Variants in SAMD12 observed in about 807,000 individuals in gnomAD.
SAMD12 encodes the protein sterile alpha motif domain-containing protein 12.
SAMD12 carries 9 observed loss-of-function variants against 15.0 expected under a neutral mutation model. The observed-to-expected ratio is 0.60, with a 90% CI of 0.36 to 1.05. SAMD12 has a LOEUF of 1.05. SAMD12 is among the 50% of genes least tolerant of loss of function. SAMD12 has a pLI of 0.01. For synonymous variants in SAMD12, 86 were observed against 90.1 expected (o/e 0.96, Z 0.25); for missense variants, 230 against 234.2 (o/e 0.98, Z 0.12).
chr8:118,407,115 C>T (rs925169859), intron 3 of SAMD12, among the ~76,000 whole-genome samples: 1 of 152,076 alleles, frequency 6.6e-6, no homozygotes, highest in Non-Finnish European at 1.5e-5. Context: ...GTAACAACAA[C>T]AACAACAAAA....
intron 2 of SAMD12, among the ~76,000 whole-genome samples, chr8:118,489,276 C>T (rs1333499907): frequency 1.3e-5 from 2 of 152,112 alleles, no homozygotes; most frequent in Non-Finnish European, 2.9e-5. Flanking sequence ...CAAATATCTT[C>T]AGCTAGCCTG....
At chr8:118,232,194 C>T (rs924027630) in intron 4 of SAMD12, among the ~76,000 whole-genome samples, 4 of 152,074 alleles carry the variant, frequency 2.6e-5, no homozygotes, top group Non-Finnish European at 4.4e-5. Flanking sequence ...TAGTTGTGTT[C>T]AGGAGACCAT....
chr8:118,446,074 C>T (rs1047655428), intron 2 of SAMD12, among the ~76,000 whole-genome samples: 3 of 152,084 alleles, frequency 2.0e-5, no homozygotes, highest in African/African-American at 4.8e-5. Flanking sequence ...CCAATGTATT[C>T]GTTATTTTCC....
At chr8:118,152,289 A>T in the SAMD12 span, among the ~76,000 whole-genome samples, 1 of 152,206 alleles carries the variant, frequency 6.6e-6, no homozygotes, top group Non-Finnish European at 1.5e-5. Context: ...ACTAGCTGCC[A>T]CCACCCCCAC....
At chr8:118,232,810 T>C (rs1812346056) in intron 4 of SAMD12, among the ~76,000 whole-genome samples, 1 of 151,810 alleles carries the variant, frequency 6.6e-6, no homozygotes, top group East Asian at 1.9e-4. Flanking sequence ...TCTCAGGGTG[T>C]TGCCAGCCTT....
At chr8:118,618,606 G>A (rs567192952) in intron 1 of SAMD12, among the ~76,000 whole-genome samples, 3 of 152,206 alleles carry the variant, frequency 2.0e-5, no homozygotes, top group Admixed American at 6.5e-5. Context: ...TTGGGAGGCC[G>A]AGGCGGGCGG....
chr8:118,309,380 A>ATATGTGTG (rs1554628153), intron 4 of SAMD12, among the ~76,000 whole-genome samples: 7 of 143,896 alleles, frequency 4.9e-5, no homozygotes, highest in African/African-American at 1.6e-4. Flanking sequence ...TGAGATATAT[A>ATATGTGTG]TGTGTGTGTG....
At chr8:118,324,369 G>A (rs1038230312) in intron 4 of SAMD12, among the ~76,000 whole-genome samples, 17 of 152,160 alleles carry the variant, frequency 1.1e-4, no homozygotes, top group African/African-American at 4.1e-4. Context: ...GATTATAAAT[G>A]TCACAATTTT....
chr8:118,441,277 C>T (rs1430489723), intron 2 of SAMD12, among the ~76,000 whole-genome samples: 7 of 152,030 alleles, frequency 4.6e-5, no homozygotes, highest in Non-Finnish European at 4.4e-5. Flanking sequence ...ATTTTATTTT[C>T]TGTGGCAATA....
At chr8:118,442,927 A>G (rs1233385563) in intron 2 of SAMD12, among the ~76,000 whole-genome samples, 2 of 152,208 alleles carry the variant, frequency 1.3e-5, no homozygotes. Context: ...ATCCTGGGAA[A>G]GGGAGGACGC....
chr8:118,605,812 A>G (rs1312581295), intron 1 of SAMD12, among the ~76,000 whole-genome samples: 2 of 42,694 alleles, frequency 4.7e-5, no homozygotes, highest in African/African-American at 1.5e-4. Context: ...ATATATATAT[A>G]TATATATATA....
chr8:118,497,493 A>C (rs1824649910), intron 2 of SAMD12, among the ~76,000 whole-genome samples: 1 of 152,150 alleles, frequency 6.6e-6, no homozygotes, highest in Non-Finnish European at 1.5e-5. Flanking sequence ...TCATGTTCTC[A>C]CTTATAAGTG....
intron 1 of SAMD12, chr8:118,621,275 G>C: frequency 6.1e-6 from 1 of 163,176 alleles, no homozygotes; most frequent in Non-Finnish European, 1.3e-5. Flanking sequence ...GCAGAGACAG[G>C]TGTAGGGACA....
chr8:118,279,485 A>AT (rs1813556626), intron 4 of SAMD12, among the ~76,000 whole-genome samples: 1 of 152,240 alleles, frequency 6.6e-6, no homozygotes, highest in Non-Finnish European at 1.5e-5. Flanking sequence ...AATGTTTGTG[A>AT]TTAACATTAA....
intron 4 of SAMD12, among the ~76,000 whole-genome samples, chr8:118,217,346 CT>C (rs1225794644): frequency 2.0e-5 from 3 of 152,168 alleles, no homozygotes; most frequent in Admixed American, 1.3e-4. Context: ...ATTCAAAACA[CT>C]TTTACCAGAT....
intron 3 of SAMD12, among the ~76,000 whole-genome samples, chr8:118,390,154 C>T (rs1427127660): frequency 6.6e-6 from 1 of 151,272 alleles, no homozygotes; most frequent in African/African-American, 2.4e-5. Context: ...AAATAGGTGC[C>T]CGCCACCATG....
intron 4 of SAMD12, among the ~76,000 whole-genome samples, chr8:118,245,365 A>G (rs1017442485): frequency 3.3e-5 from 5 of 152,168 alleles, no homozygotes; most frequent in Non-Finnish European, 7.4e-5. Context: ...AACCAAAAAC[A>G]TTAGGCCTAC....
At chr8:118,184,894 C>T (rs1283276639), downstream of SAMD12, among the ~76,000 whole-genome samples, 4 of 127,246 alleles carry the variant, frequency 3.1e-5, no homozygotes, top group African/African-American at 1.1e-4. Context: ...AAGTTTGATA[C>T]CATTTGTTCT....
chr8:118,501,397 G>T (rs866211687), intron 2 of SAMD12, among the ~76,000 whole-genome samples: 1 of 152,052 alleles, frequency 6.6e-6, no homozygotes, highest in Non-Finnish European at 1.5e-5. Flanking sequence ...TCCACAATGT[G>T]TATATATTTC....
Sources: allele counts gnomAD v4.1 joint callset (sites outside exome capture counted in the v4.1 genomes callset), GRCh38; gene constraint gnomAD v4.1.1; transcripts MANE v1.5; gene names NCBI Gene and HGNC (gene_info 2026-07-23, HGNC 2026-07-21).